PRSS1: variants seen among roughly 807,000 people sequenced by gnomAD.
PRSS1 encodes the protein TCR V beta 4.1.
A neutral mutation model predicts 24.2 loss-of-function variants in PRSS1; 22 were observed. The ratio of observed to expected loss-of-function variants is 0.91; its 90% CI spans 0.65 to 1.30. The LOEUF is 1.30. PRSS1 is among the 50% of genes most tolerant of loss of function. The pLI is 0.00. For synonymous variants in PRSS1, 126 were observed against 116.1 expected (o/e 1.08, Z -0.55); for missense variants, 366 against 304.2 (o/e 1.20, Z -1.51).
intron 1 of PRSS1, among the ~76,000 whole-genome samples, chr7:142,750,138 G>A (rs1012187712): frequency 6.6e-6 from 1 of 151,892 alleles, no homozygotes; most frequent in Non-Finnish European, 1.5e-5. Flanking sequence ...TCATGGCCAG[G>A]TCTATGCAGA....
Position 142,752,430 on chromosome 7 carries a change from G to A in PRSS1, c.455-1G>A, listed in dbSNP as rs1432857262. On this transcript the variant is annotated splice_acceptor_variant, in intron 3 of 4. Transcript: ENST00000311737. LOFTEE classifies it high-confidence loss of function. ...CTTTGATCTCTTCCTGATCCTCACA[G>A]CCGACTACCCAGACGAGCTGCAGTG... is the stretch of plus-strand genomic sequence containing the variant. 1 of 1,613,880 alleles carries A rather than the reference G, an allele frequency of 6.2e-7. No homozygotes were observed. The highest frequency in any genetic ancestry group is 1.1e-5 in the South Asian group (1 of 91,062).
rs1331796325 is a variant in PRSS1 at position 142,750,648 on chromosome 7, A to T, written c.134A>T (p.Tyr45Phe). 6.3e-7 allele frequency: 1 copy of T among 1,575,374 alleles called. No individual in the cohort carries two copies. Among genetic ancestry groups the T allele is most frequent in the East Asian group, 2.2e-5 (1 of 44,560 alleles). The change falls in exon 2 of 5, where the codon TAC becomes TTC. Residue 45 changes from tyrosine (Y) to phenylalanine (F), a missense_variant. Coordinates refer to ENST00000311737, the MANE Select transcript of PRSS1 (RefSeq NM_002769.5). ...VPYQVSLNSG[Y>F]HFCGGSLINE... Reference sequence around the variant, plus strand: ...TACCAGGTGTCCCTGAATTCTGGCTACCACTTCTGTGGTGGCTCCCTCATC... The same window carrying T: ...TACCAGGTGTCCCTGAATTCTGGCTTCCACTTCTGTGGTGGCTCCCTCATC...
Position 142,749,483 on chromosome 7 carries a change from C to A in PRSS1, c.-2C>A, listed in dbSNP as rs766465080. 5 of 1,614,182 alleles carry A rather than the reference C, an allele frequency of 3.1e-6. No individual in the cohort carries two copies. The Admixed American group carries it at 8.3e-5, about 27-fold the overall frequency. ...ACCACCAGTCAGGCACACTCTACCA[C>A]CATGAATCCACTCCTGATCCTTACC... On this transcript the variant is annotated 5_prime_UTR_variant, in exon 1 of 5. Transcript: ENST00000311737.
intron 1 of PRSS1, 65 bp from the exon 2 acceptor site, chr7:142,750,490 C>T: frequency 1.2e-6 from 2 of 1,610,254 alleles, no homozygotes; most frequent in Non-Finnish European, 1.7e-6. Flanking sequence ...AAAGCAATCA[C>T]AGGCTGGGAG....
chr7:142,750,140 C>A (rs1399023395), intron 1 of PRSS1, among the ~76,000 whole-genome samples: 1 of 150,526 alleles, frequency 6.6e-6, no homozygotes, highest in African/African-American at 2.5e-5. Flanking sequence ...ATGGCCAGGT[C>A]TATGCAGACA....
intron 2 of PRSS1, chr7:142,751,415 T>C (rs1798716247): frequency 3.5e-6 from 2 of 573,150 alleles, no homozygotes; most frequent in Non-Finnish European, 6.2e-6. Context: ...CTGTGCACAG[T>C]TGGCAAAGGC....
chr7:142,752,582 C>G lies in PRSS1; in HGVS notation c.591+15C>G, dbSNP rs749821249. On this transcript the variant is annotated intron_variant, in intron 4 of 4. Coordinates refer to ENST00000311737, the MANE Select transcript of PRSS1 (RefSeq NM_002769.5). ...ATTCATGTCAGGTGATTTGACCAACCCTTCCCATGCTGAGGCTCCCACTGA... is the reference window on the plus strand; with the variant it reads ...ATTCATGTCAGGTGATTTGACCAACGCTTCCCATGCTGAGGCTCCCACTGA... 12 of 1,614,134 alleles carry G rather than the reference C, an allele frequency of 7.4e-6. No homozygotes were observed. The South Asian group carries it at 1.2e-4, about 16-fold the overall frequency.
Position 142,752,036 on chromosome 7 carries a change from G to A in PRSS1, c.454+9G>A, listed in dbSNP as rs779243541. On this transcript the variant is annotated intron_variant, in intron 3 of 4. Transcript: ENST00000311737. ...CACTGCGAGCTCTGGCGGTGAGTGG[G>A]ACCCTTAGTCCTTCTACTTCCCTCC... is the stretch of plus-strand genomic sequence containing the variant. The A allele has an allele frequency of 1.4e-5, 21 of 1,485,214 alleles. No individual in the cohort carries two copies. The South Asian group carries it at 2.0e-4, about 14-fold the overall frequency. 92.0% of individuals were successfully genotyped at this position (1,485,214 alleles called of 1,614,324 possible).
rs750740780 is a variant in PRSS1, at chr7:142,750,543, T to C, written c.41-12T>C. Reference sequence around the variant, plus strand: ...TATTGACTTGCCTTCTCCCTTCCCATCTCCACTCCAGTTGCTGCCCCCTTT... The same window carrying C: ...TATTGACTTGCCTTCTCCCTTCCCACCTCCACTCCAGTTGCTGCCCCCTTT... On this transcript the variant is annotated splice_polypyrimidine_tract_variant and intron_variant, in intron 1 of 4. Coordinates refer to ENST00000311737, the MANE Select transcript of PRSS1 (RefSeq NM_002769.5). The C allele has an allele frequency of 6.2e-7, 1 of 1,613,996 alleles. No individual in the cohort carries two copies. The highest frequency in any genetic ancestry group is 8.5e-7 in the Non-Finnish European group (1 of 1,179,858).
At chr7:142,751,746 T>A in intron 2 of PRSS1, 28 bp from the exon 3 acceptor site, 1 of 1,206,344 alleles carries the variant, frequency 8.3e-7, no homozygotes, top group Non-Finnish European at 1.2e-6. Flanking sequence ...TGGGAGAAGG[T>A]CTTCACCATG....
chr7:142,752,469 G>A lies in PRSS1; in HGVS notation c.493G>A (p.Val165Met). Residue 165 changes from valine (V) to methionine (M), a missense_variant, in exon 4 of 5, where the codon GTG (valine) becomes ATG (methionine). Physicochemically the swap from Val to Met is conservative, Grantham distance 21 (BLOSUM62 1). Coordinates refer to ENST00000311737, the MANE Select transcript of PRSS1 (RefSeq NM_002769.5). Reference protein sequence around the residue: ...PDELQCLDAPVLSQAKCEASY... With the variant: ...PDELQCLDAPMLSQAKCEASY... ...CGAGCTGCAGTGCCTGGATGCTCCT[G>A]TGCTGAGCCAGGCTAAGTGTGAAGC... is the stretch of plus-strand genomic sequence containing the variant. 1.2e-6 allele frequency: 2 copies of A among 1,614,158 alleles called. No homozygotes were observed. Among genetic ancestry groups the A allele is most frequent in the Non-Finnish European group, 1.7e-6 (2 of 1,180,004 alleles).
rs778796800 is a variant in PRSS1 at position 142,752,455 on chromosome 7, G to A, written c.479G>A (p.Cys160Tyr). The change falls in exon 4 of 5, where the codon TGC (cysteine) becomes TAC (tyrosine). Residue 160 changes from cysteine to tyrosine, a missense_variant. Cys to Tyr is a radical substitution (Grantham distance 194). Transcript: ENST00000311737. ...SGADYPDELQ[C>Y]LDAPVLSQAK... The stretch of plus-strand genomic sequence containing the variant: ...GCCGACTACCCAGACGAGCTGCAGT[G>A]CCTGGATGCTCCTGTGCTGAGCCAG... 2.5e-6 allele frequency: 4 copies of A among 1,614,030 alleles called. No homozygotes were observed. The highest frequency in any genetic ancestry group is 2.2e-5 in the East Asian group (1 of 44,886).
At position 142,752,507 on chromosome 7, in the gene PRSS1, A is replaced by G. The variant is rs1165231856; in HGVS notation, c.531A>G (p.Gly177=). The change falls in exon 4 of 5, where the codon GGA becomes GGG. Residue 177 remains glycine (G), a synonymous_variant. Transcript: ENST00000311737. ...CTAAGTGTGAAGCCTCCTACCCTGG[A>G]AAGATTACCAGCAACATGTTCTGTG... ...SQAKCEASYP[G]KITSNMFCVG... 1.9e-6 allele frequency: 3 copies of G among 1,614,162 alleles called. No homozygotes were observed. The highest frequency in any genetic ancestry group is 2.5e-6 in the Non-Finnish European group (3 of 1,179,992).
chr7:142,752,139 G>T, intron 3 of PRSS1, 112 bp downstream of exon 3: 1 of 1,520,100 alleles, frequency 6.6e-7, no homozygotes. Flanking sequence ...CATTTCGAGT[G>T]CCCATTACAC....
chr7:142,751,920 G>T lies in PRSS1; in HGVS notation c.347G>T (p.Arg116Leu), dbSNP rs199769221. 1 of 1,568,884 alleles carries T rather than the reference G, an allele frequency of 6.4e-7. No homozygotes were observed. Among genetic ancestry groups the T allele is most frequent in the Non-Finnish European group, 8.7e-7 (1 of 1,151,176 alleles). ...NDIMLIKLSS[R>L]AVINARVSTI... ...ATCATGTTAATCAAGCTCTCCTCAC[G>T]TGCAGTAATCAACGCCCGCGTGTCC... Residue 116 changes from arginine (R) to leucine (L), a missense_variant, in exon 3 of 5, where the codon CGT (arginine) becomes CTT (leucine). Arg to Leu is a moderately radical substitution (Grantham distance 102). Coordinates refer to ENST00000311737, the MANE Select transcript of PRSS1 (RefSeq NM_002769.5).
Position 142,751,688 on chromosome 7 carries a change from G to A in PRSS1, c.201-86G>A, listed in dbSNP as rs1475315722. 15 of 1,612,936 alleles carry A rather than the reference G, an allele frequency of 9.3e-6. No homozygotes were observed. The Admixed American group carries it at 1.5e-4, about 16-fold the overall frequency. Reference sequence around the variant, plus strand: ...CCCATGCCTCCAGAGCTGTCCATGAGCAGAGAGCTTGAGGAACCTGGGGAA... The same window carrying A: ...CCCATGCCTCCAGAGCTGTCCATGAACAGAGAGCTTGAGGAACCTGGGGAA... On this transcript the variant is annotated intron_variant, in intron 2 of 4. Transcript: ENST00000311737.
chr7:142,751,798 G>A lies in PRSS1; in HGVS notation c.225G>A (p.Glu75=). 5 of 1,614,150 alleles carry A rather than the reference G, an allele frequency of 3.1e-6. No individual in the cohort carries two copies. Among genetic ancestry groups the A allele is most frequent in the East Asian group, 2.2e-5 (1 of 44,884 alleles). ...YKSRIQVRLG[E]HNIEVLEGNE... ...GCCGCATCCAGGTGAGACTGGGAGAGCACAACATCGAAGTCCTGGAGGGGA... is the reference window on the plus strand; with the variant it reads ...GCCGCATCCAGGTGAGACTGGGAGAACACAACATCGAAGTCCTGGAGGGGA... Residue 75 remains glutamate, a synonymous_variant, in exon 3 of 5, where the codon GAG becomes GAA. Coordinates refer to ENST00000311737, the MANE Select transcript of PRSS1 (RefSeq NM_002769.5).
At chr7:142,752,781 C>T (rs561383352) in intron 4 of PRSS1, 87 bp from the exon 5 acceptor site, 1 of 1,551,486 alleles carries the variant, frequency 6.4e-7, no homozygotes, top group South Asian at 1.1e-5. Flanking sequence ...ACAGAGCTGG[C>T]TGGAAAGGGG....
chr7:142,752,254 A>T (rs1798807516), intron 3 of PRSS1, among the ~76,000 whole-genome samples, 177 bp from the exon 4 acceptor site: 1 of 152,120 alleles, frequency 6.6e-6, no homozygotes, highest in Admixed American at 6.6e-5. Flanking sequence ...ACATCTTGGG[A>T]GGGGTTCAAC....
Sources: gnomAD v4.1 joint callset for allele counts (sites outside exome capture counted in the v4.1 genomes callset) on GRCh38, gnomAD v4.1.1 for gene constraint, MANE v1.5 for transcripts, NCBI Gene and HGNC (gene_info 2026-07-23, HGNC 2026-07-21) for gene names.